The following AP1M1 variants were observed in gnomAD, a reference collection of about 807,000 sequenced individuals.
AP1M1 encodes the protein AP-1 complex subunit mu-1.
In AP1M1, 18 loss-of-function variants were observed where a neutral mutation model predicts 57.1. That is an observed-to-expected ratio of 0.32 (90% CI 0.22 to 0.47). The LOEUF (loss-of-function observed/expected upper bound fraction) is 0.47, where lower values mean the gene tolerates loss of function less well. Among genes scored for constraint, AP1M1 ranks in the 20% least tolerant of loss-of-function variants. AP1M1 has a pLI of 1.00. For synonymous variants in AP1M1, 241 were observed against 237.9 expected (o/e 1.01, Z -0.12); for missense variants, 362 against 593.5 (o/e 0.61, Z 4.05).
Position 16,228,663 on chromosome 19 carries a change from G to T in AP1M1, c.889-107G>T. The stretch of plus-strand genomic sequence containing the variant: ...GCCTGGAGAAGTGGGGCCAGGGGCG[G>T]GGCTAGGGAGGATCCCCCGGGCCAG... On this transcript the variant is annotated intron_variant, in intron 8 of 11. Transcript: ENST00000291439. The surrounding 1 kb of genome is among the most constrained non-coding windows in gnomAD (Gnocchi z 5.0). 7.7e-7 allele frequency: 1 copy of T among 1,304,056 alleles called. No individual in the cohort carries two copies. 80.8% of individuals were successfully genotyped at this position (1,304,056 alleles called of 1,614,324 possible).
chr19:16,205,795 T>A (rs2091467060), intron 2 of AP1M1, among the ~76,000 whole-genome samples: 1 of 152,186 alleles, frequency 6.6e-6, no homozygotes, highest in Non-Finnish European at 1.5e-5. Context: ...GGTGAGTTCA[T>A]TCACAGGCCT....
At chr19:16,232,306 G>C (rs1008283209) in intron 9 of AP1M1, among the ~76,000 whole-genome samples, 2 of 152,234 alleles carry the variant, frequency 1.3e-5, no homozygotes, top group African/African-American at 4.8e-5. Flanking sequence ...GTGTGAGCCG[G>C]CGCCAGCCTA....
At chr19:16,204,869 C>T (rs927447549) in intron 2 of AP1M1, among the ~76,000 whole-genome samples, 35 of 149,640 alleles carry the variant, frequency 2.3e-4, no homozygotes, top group African/African-American at 7.8e-4. Context: ...CTCGCTCTGT[C>T]GCCCAGGCTG....
intron 5 of AP1M1, chr19:16,209,399 C>T (rs2091483935): frequency 1.8e-5 from 8 of 455,544 alleles, no homozygotes; most frequent in African/African-American, 4.0e-5. Flanking sequence ...GACACGATCT[C>T]GGCTCACTGC....
rs562430538 is a variant in AP1M1 at position 16,197,967 on chromosome 19, C to G, written c.-60C>G. 9.2e-7 allele frequency: 1 copy of G among 1,087,790 alleles called. No homozygotes were observed. The highest frequency in any genetic ancestry group is 1.2e-6 in the Non-Finnish European group (1 of 868,908). The allele number at this position is 1,087,790 out of a possible 1,614,324, so 67.4% of individuals were successfully genotyped here. A position where few individuals can be genotyped will look rare whatever the true frequency, so the allele number is the denominator to read the frequency against. On this transcript the variant is annotated 5_prime_UTR_variant, in exon 1 of 12. Coordinates refer to ENST00000291439, the MANE Select transcript of AP1M1 (RefSeq NM_032493.4). ...CCGGCCTTGCTCAACGCCCAGCAGT[C>G]CCCACCGTCGCTGCCGCCGCCACCG... is the stretch of plus-strand genomic sequence containing the variant.
chr19:16,229,038 G>A, intron 9 of AP1M1, 110 bp downstream of exon 9: 1 of 1,291,550 alleles, frequency 7.7e-7, no homozygotes, highest in Non-Finnish European at 1.1e-6. Flanking sequence ...TGGCCACTGT[G>A]TCTTCCACAC....
At chr19:16,221,607 C>A (rs1165285991) in intron 5 of AP1M1, among the ~76,000 whole-genome samples, 1 of 152,196 alleles carries the variant, frequency 6.6e-6, no homozygotes, top group Admixed American at 6.5e-5. Context: ...AAACAAATAT[C>A]TTGGTTAAAG....
rs1345720060 is a variant in AP1M1, at chr19:16,240,963, T to C, written c.*6528T>C. On this transcript the variant is annotated 3_prime_UTR_variant, in exon 12 of 12. Transcript: ENST00000291439. ...AACTGGAACAACAAAAGTCCGAAGA[T>C]AGAGCATGGCTTCAAATTACTGAGA... 1 of 152,192 alleles carries C rather than the reference T, an allele frequency of 6.6e-6. No homozygotes were observed. Among genetic ancestry groups the C allele is most frequent in the Non-Finnish European group, 1.5e-5 (1 of 68,040 alleles). 9.4% of individuals were successfully genotyped at this position (152,192 alleles called of 1,614,324 possible). A position where few individuals can be genotyped will look rare whatever the true frequency, so the allele number is the denominator to read the frequency against.
At position 16,203,207 on chromosome 19, in the gene AP1M1, A is replaced by G; in HGVS notation, c.43-252A>G. On this transcript the variant is annotated intron_variant, in intron 1 of 11. Coordinates refer to ENST00000291439, the MANE Select transcript of AP1M1 (RefSeq NM_032493.4). This position sits in a 1 kb window ranked among gnomAD's most constrained non-coding sequence, Gnocchi z 4.6. ...ATTCAGTCCTGGACCTTTGCTGCAG[A>G]GTTCGCCTCTACCCTCACCCTGCGA... 1 of 526,740 alleles carries G rather than the reference A, an allele frequency of 1.9e-6. No individual in the cohort carries two copies. The highest frequency in any genetic ancestry group is 2.0e-5 in the South Asian group (1 of 49,436). The allele number at this position is 526,740 out of a possible 1,614,324, so 32.6% of individuals were successfully genotyped here. A position where few individuals can be genotyped will look rare whatever the true frequency, so the allele number is the denominator to read the frequency against.
intron 5 of AP1M1, among the ~76,000 whole-genome samples, chr19:16,223,085 G>T (rs887693940): frequency 6.6e-6 from 1 of 152,072 alleles, no homozygotes; most frequent in African/African-American, 2.4e-5. Flanking sequence ...GATACTCTAG[G>T]TCTTATTTAA....
Position 16,203,561 on chromosome 19 carries a change from A to G in AP1M1, c.145A>G (p.Ile49Val). The change falls in exon 2 of 12, where the codon ATC becomes GTC. Residue 49 changes from isoleucine to valine, a missense_variant. Transcript: ENST00000291439. This position sits in a 1 kb window ranked among gnomAD's most constrained non-coding sequence, Gnocchi z 4.6. Reference sequence around the variant, plus strand: ...GGAGGAGGAGGGGATGCTGTCGCCCATCCTGGCCCACGGGGGGGTCCGTTT... The same window carrying G: ...GGAGGAGGAGGGGATGCTGTCGCCCGTCCTGGCCCACGGGGGGGTCCGTTT... ...EKEEEGMLSP[I>V]LAHGGVRFMW... The G allele has an allele frequency of 6.2e-7, 1 of 1,614,070 alleles. No homozygotes were observed. Among genetic ancestry groups the G allele is most frequent in the Non-Finnish European group, 8.5e-7 (1 of 1,179,962 alleles).
chr19:16,197,939 C>A lies in AP1M1; in HGVS notation c.-88C>A. 9.5e-7 allele frequency: 1 copy of A among 1,050,492 alleles called. No individual in the cohort carries two copies. The highest frequency in any genetic ancestry group is 1.2e-6 in the Non-Finnish European group (1 of 805,402). 65.1% of individuals were successfully genotyped at this position (1,050,492 alleles called of 1,614,324 possible). On this transcript the variant is annotated 5_prime_UTR_variant, in exon 1 of 12. Transcript: ENST00000291439. ...AGTGGAGGTGAGCTGTCGCGGGCGG[C>A]GCCCGGCCTTGCTCAACGCCCAGCA...
At chr19:16,226,770 C>A (rs561115695) in intron 6 of AP1M1, 2 of 550,080 alleles carry the variant, frequency 3.6e-6, no homozygotes, top group African/African-American at 1.9e-5. Context: ...GGGAGGCCCC[C>A]GTCACCCGGC....
intron 6 of AP1M1, among the ~76,000 whole-genome samples, chr19:16,226,981 G>A (rs562733947): frequency 6.6e-6 from 1 of 152,276 alleles, no homozygotes; most frequent in African/African-American, 2.4e-5. Context: ...GGGGCAGAGG[G>A]GCCCAGGGCC....
rs17642135 is a variant in AP1M1, at chr19:16,232,600, G to A, written c.1048-893G>A. Among the ~76,000 whole-genome samples, 1,094 of 152,342 alleles carry A rather than the reference G, an allele frequency of 7.2e-3. 10 individuals carry two copies. The highest frequency in any genetic ancestry group is 9.2e-3 in the Non-Finnish European group (623 of 68,032). ...GTCTGTACTCAGCACATGTCACCAAGTCAGGCAGAGTCCTCACTCTCACGC... is the reference window on the plus strand; with the variant it reads ...GTCTGTACTCAGCACATGTCACCAAATCAGGCAGAGTCCTCACTCTCACGC... On this transcript the variant is annotated intron_variant, in intron 9 of 11. Transcript: ENST00000291439.
At chr19:16,202,836 G>A (rs1427750429) in intron 1 of AP1M1, 1 of 153,198 alleles carries the variant, frequency 6.5e-6, no homozygotes, top group Admixed American at 6.5e-5. Context: ...ATTTCTCTTG[G>A]GTAAATACCA....
chr19:16,205,629 G>T (rs538699677), intron 2 of AP1M1, among the ~76,000 whole-genome samples: 45 of 152,282 alleles, frequency 3.0e-4, no homozygotes, highest in African/African-American at 1.1e-3. Flanking sequence ...CAGTGCATGG[G>T]CCTACAGAGG....
rs188185521 is a variant in AP1M1 at position 16,211,965 on chromosome 19, G to A, written c.546+2788G>A. ...GGATAAAAGCCTTCTTGATTGTGGCGGATTAGCTTTTTGATGTACTGCTGG... is the reference window on the plus strand; with the variant it reads ...GGATAAAAGCCTTCTTGATTGTGGCAGATTAGCTTTTTGATGTACTGCTGG... On this transcript the variant is annotated intron_variant, in intron 5 of 11. Coordinates refer to ENST00000291439, the MANE Select transcript of AP1M1 (RefSeq NM_032493.4). 2.0e-3 allele frequency among the ~76,000 whole-genome samples: 297 copies of A among 152,204 alleles called. 1 individual carries two copies. The highest frequency in any genetic ancestry group is 6.4e-3 in the African/African-American group (264 of 41,508).
intron 5 of AP1M1, among the ~76,000 whole-genome samples, chr19:16,210,163 T>G (rs958797282): frequency 2.6e-5 from 4 of 152,376 alleles, no homozygotes; most frequent in African/African-American, 9.6e-5. Context: ...TCATTCTAAT[T>G]CTTTGCGATT....
Sources: gnomAD v4.1 joint callset for allele counts (sites outside exome capture counted in the v4.1 genomes callset) on GRCh38, gnomAD v4.1.1 for gene constraint, Gnocchi (gnomAD v3.1) non-coding constraint, MANE v1.5 for transcripts, NCBI Gene and HGNC (gene_info 2026-07-23, HGNC 2026-07-21) for gene names.